ATXN2: variants seen among roughly 807,000 people sequenced by gnomAD.
ATXN2 encodes ataxin 2.
A neutral mutation model predicts 138.6 loss-of-function variants in ATXN2; 37 were observed. That is an observed-to-expected ratio of 0.27 (90% CI 0.21 to 0.35). The LOEUF (loss-of-function observed/expected upper bound fraction) is 0.35. Ranked by LOEUF, ATXN2 falls within the 10% of genes least tolerant of loss-of-function variation. The probability of loss-of-function intolerance (pLI) is 1.00; values close to 1 mark genes in which losing one functional copy is unlikely to be tolerated. For synonymous variants in ATXN2, 549 were observed against 543.7 expected, an observed-to-expected ratio of 1.01 and a Z score of -0.13; for missense variants, 1,216 against 1,480.3, an observed-to-expected ratio of 0.82 and a Z score of 2.93.
intron 15 of ATXN2, 107 bp from the exon 16 acceptor site, chr12:111,486,931 T>A (rs773469361): frequency 2.3e-6 from 2 of 862,050 alleles, no homozygotes; most frequent in Non-Finnish European, 1.8e-6. Context: ...ATTTAAACTG[T>A]TCTCACTAGA....
At chr12:111,544,982 A>G (rs912868255) in intron 5 of ATXN2, among the ~76,000 whole-genome samples, 2 of 151,882 alleles carry the variant, frequency 1.3e-5, no homozygotes, top group African/African-American at 4.8e-5. Context: ...ACACGGTGAA[A>G]CCCCATCTCT....
At chr12:111,463,001 C>CACAT (rs1372187820) in intron 21 of ATXN2, among the ~76,000 whole-genome samples, 2 of 130,916 alleles carry the variant, frequency 1.5e-5, no homozygotes, top group Admixed American at 1.4e-4. Context: ...CACACACACA[C>CACAT]ATATATGTAT....
intron 14 of ATXN2, among the ~76,000 whole-genome samples, chr12:111,501,786 G>C (rs1302510337): frequency 6.6e-6 from 1 of 152,164 alleles, no homozygotes; most frequent in Non-Finnish European, 1.5e-5. Context: ...AAGGACTTCG[G>C]AGTTTAATTA....
intron 1 of ATXN2, among the ~76,000 whole-genome samples, chr12:111,575,057 T>C (rs1883557271): frequency 6.6e-6 from 1 of 152,146 alleles, no homozygotes; most frequent in South Asian, 2.1e-4. Flanking sequence ...CACGGTAGCG[T>C]CCGGTTCACT....
intron 1 of ATXN2, among the ~76,000 whole-genome samples, chr12:111,582,171 A>AT (rs1884042521): frequency 1.3e-5 from 2 of 152,046 alleles, no homozygotes; most frequent in Non-Finnish European, 2.9e-5. Flanking sequence ...CTCTACAAAA[A>AT]TTTTTTTAAA....
At chr12:111,572,847 C>T (rs1335156335) in intron 1 of ATXN2, among the ~76,000 whole-genome samples, 1 of 152,168 alleles carries the variant, frequency 6.6e-6, no homozygotes, top group Non-Finnish European at 1.5e-5. Context: ...GAGTTCCATA[C>T]TCTAATTTTC....
chr12:111,479,636 T>C (rs1877075406), intron 18 of ATXN2, among the ~76,000 whole-genome samples: 1 of 152,122 alleles, frequency 6.6e-6, no homozygotes, highest in African/African-American at 2.4e-5. Context: ...ACCAAGCTTG[T>C]CCAACTTGCG....
intron 1 of ATXN2, among the ~76,000 whole-genome samples, chr12:111,559,727 C>T (rs1374807696): frequency 2.0e-5 from 3 of 147,174 alleles, no homozygotes; most frequent in East Asian, 2.0e-4. Flanking sequence ...GAGCCGAGAT[C>T]GTGCCACTGC....
At chr12:111,485,127 A>G (rs1877545263) in intron 18 of ATXN2, 138 bp downstream of exon 18, 2 of 695,660 alleles carry the variant, frequency 2.9e-6, no homozygotes, top group Non-Finnish European at 2.4e-6. Context: ...TATCTATGTA[A>G]TGTTGTTCAT....
In ATXN2 at chr12:111,599,258, G is replaced by GCAC; in HGVS notation, c.-225_-224insGTG. The GCAC allele has an allele frequency of 8.6e-7, 1 of 1,169,048 alleles. No individual in the cohort carries two copies. Among genetic ancestry groups the GCAC allele is most frequent in the Non-Finnish European group, 1.1e-6 (1 of 951,834 alleles). The allele number at this position is 1,169,048 out of a possible 1,614,324, so 72.4% of individuals were successfully genotyped here. A position where few individuals can be genotyped will look rare whatever the true frequency, so the allele number is the denominator to read the frequency against. ...GAGCCGCCGGGAGCCGGGCCGAAAC[G>GCAC]CGCCGCCGCCGTTGCCGTTGCTACC... is the stretch of plus-strand genomic sequence containing the variant. On this transcript the variant is annotated 5_prime_UTR_variant, in exon 1 of 25. Coordinates refer to ENST00000673436, the MANE Select transcript of ATXN2 (RefSeq NM_001372574.1).
chr12:111,514,980 T>C (rs1170269028), intron 10 of ATXN2, among the ~76,000 whole-genome samples: 1 of 152,224 alleles, frequency 6.6e-6, no homozygotes, highest in Non-Finnish European at 1.5e-5. Flanking sequence ...ATGTTTTATT[T>C]AATATATTCT....
At chr12:111,580,732 G>A (rs933437981) in intron 1 of ATXN2, among the ~76,000 whole-genome samples, 3 of 147,848 alleles carry the variant, frequency 2.0e-5, no homozygotes, top group African/African-American at 7.5e-5. Context: ...GAGAGACAGA[G>A]AAAGAAAAAG....
chr12:111,513,617 A>T, intron 10 of ATXN2, 78 bp from the exon 11 acceptor site: 1 of 1,305,152 alleles, frequency 7.7e-7, no homozygotes. Context: ...ACACCCATTC[A>T]CACACACATG....
intron 11 of ATXN2, chr12:111,511,430 G>C (rs1395896911): frequency 6.6e-6 from 1 of 150,836 alleles, no homozygotes; most frequent in Non-Finnish European, 1.5e-5. Context: ...TCTAAGTAAT[G>C]TCAAAAGATT....
At position 111,453,732 on chromosome 12, in the gene ATXN2, T is replaced by C. The variant is rs765791566; in HGVS notation, c.3384A>G (p.Leu1128=). Residue 1128 remains leucine, a synonymous_variant, in exon 24 of 25, where the codon CTA becomes CTG. Transcript: ENST00000673436. This position sits in a 1 kb window ranked among gnomAD's most constrained non-coding sequence, Gnocchi z 5.4. ...GPQAALAQSA[L]QPIPVSTTAH... is the part of the protein sequence containing the mutation. ...CTGTTGTCGAGACTGGAATGGGCTG[T>C]AGTGCACTTTGAGCGAGGGCGGCCT... The C allele has an allele frequency of 2.5e-6, 4 of 1,613,850 alleles. No individual in the cohort carries two copies. The East Asian group carries it at 8.9e-5, about 36-fold the overall frequency.
intron 14 of ATXN2, among the ~76,000 whole-genome samples, chr12:111,498,355 GACAA>G (rs943833899): frequency 1.5e-4 from 23 of 152,056 alleles, no homozygotes; most frequent in African/African-American, 4.6e-4. Context: ...TATTAGAACT[GACAA>G]ACAAATTCAG....
chr12:111,467,139 T>C lies in ATXN2; in HGVS notation c.2843-2424A>G, dbSNP rs536842699. Among the ~76,000 whole-genome samples the C allele has an allele frequency of 1.3e-4, 20 of 151,828 alleles. No individual in the cohort carries two copies. The South Asian group carries it at 4.2e-3, about 32-fold the overall frequency. On this transcript the variant is annotated intron_variant, in intron 20 of 24. Coordinates refer to ENST00000673436, the MANE Select transcript of ATXN2 (RefSeq NM_001372574.1). Reference sequence around the variant, plus strand: ...GGCATAGAACAAAACAATTCTTTCTTATGTTTTCTTTTTTTTAAATAGAGA... The same window carrying C: ...GGCATAGAACAAAACAATTCTTTCTCATGTTTTCTTTTTTTTAAATAGAGA...
chr12:111,529,382 C>G (rs1880683437), intron 5 of ATXN2, among the ~76,000 whole-genome samples: 1 of 152,104 alleles, frequency 6.6e-6, no homozygotes. Flanking sequence ...TCTGAAGGAA[C>G]TACAGGTATA....
rs772048264 is a variant in ATXN2, at chr12:111,475,344, C to CAAA, written c.2525-4605_2525-4603dup. Among the ~76,000 whole-genome samples the CAAA allele has an allele frequency of 2.9e-3, 135 of 45,962 alleles. 2 individuals carry two copies. The highest frequency in any genetic ancestry group is 7.5e-3 in the African/African-American group (130 of 17,298). The allele number at this position is 45,962 out of a possible 152,430, so 30.2% of individuals were successfully genotyped here. On this transcript the variant is annotated intron_variant, in intron 18 of 24. Transcript: ENST00000673436. The stretch of plus-strand genomic sequence containing the variant: ...AGGTGACAGAGCCAAGATTCCATCT[C>CAAA]AAAAAAAAAAAAAAAAAGTTACCAC...
Sources: allele counts gnomAD v4.1 joint callset (sites outside exome capture counted in the v4.1 genomes callset), GRCh38; gene constraint gnomAD v4.1.1; non-coding constraint Gnocchi (gnomAD v3.1); transcripts MANE v1.5; gene names NCBI Gene and HGNC (gene_info 2026-07-23, HGNC 2026-07-21).